Variants in RNF32 observed in about 807,000 individuals in gnomAD.
The protein encoded by RNF32 is ring finger protein 32.
RNF32 carries 36 observed loss-of-function variants against 41.0 expected under a neutral mutation model. The observed-to-expected ratio is 0.88, with a 90% CI of 0.67 to 1.16. The LOEUF is 1.16. RNF32 is among the 50% of genes most tolerant of loss of function. RNF32 has a pLI of 0.00. For missense variants in RNF32, 413 were observed against 436.7 expected (o/e 0.95, Z 0.48); for synonymous variants, 154 against 160.9 (o/e 0.96, Z 0.32).
At position 156,655,260 on chromosome 7, in the gene RNF32, C is replaced by CAG. The variant is rs1491074602; in HGVS notation, c.417+543_417+544insGA. On this transcript the variant is annotated intron_variant, in intron 4 of 8. Transcript: ENST00000317955. Reference sequence around the variant, plus strand: ...GCGCGCACACACACACACACACACACACAGAGAGAGAGAGAGAATGCATAT... The same window carrying CAG: ...GCGCGCACACACACACACACACACACAGACAGAGAGAGAGAGAGAATGCATAT... Among the ~76,000 whole-genome samples, 19 of 148,872 alleles carry CAG rather than the reference C, an allele frequency of 1.3e-4. No homozygotes were observed. The East Asian group carries it at 1.4e-3, about 11-fold the overall frequency.
chr7:156,641,935 C>T (rs1178166051), intron 1 of RNF32, among the ~76,000 whole-genome samples: 1 of 152,210 alleles, frequency 6.6e-6, no homozygotes, highest in Non-Finnish European at 1.5e-5. Flanking sequence ...ATCATCAAAG[C>T]CTCCAGGACT....
At chr7:156,660,759 A>T (rs1800524580) in intron 7 of RNF32, among the ~76,000 whole-genome samples, 1 of 152,214 alleles carries the variant, frequency 6.6e-6, no homozygotes, top group Non-Finnish European at 1.5e-5. Flanking sequence ...GACTGATACG[A>T]GTGACTGCAG....
At chr7:156,643,975 A>C in intron 2 of RNF32, 83 bp downstream of exon 2, 1 of 1,273,984 alleles carries the variant, frequency 7.8e-7, no homozygotes, top group South Asian at 1.2e-5. Flanking sequence ...TATAAAAACT[A>C]GTTTGCAAAC....
upstream of RNF32, chr7:156,640,535 C>G (rs1038476300): frequency 1.4e-4 from 54 of 375,082 alleles, 1 homozygote; most frequent in Middle Eastern, 2.3e-3. Context: ...CGGGAACGCA[C>G]CTGCGTCTAG....
Position 156,659,360 on chromosome 7 carries a change from A to G in RNF32, c.684+790A>G, listed in dbSNP as rs1800246042. On this transcript the variant is annotated intron_variant, in intron 7 of 8. Transcript: ENST00000317955. ...AGTTACTGTGTGTTCTGTTCCTGAG[A>G]GCAGTGTCTCTGATCTTCAGAGATC... 6 of 986,488 alleles carry G rather than the reference A, an allele frequency of 6.1e-6. No homozygotes were observed. The South Asian group carries it at 2.3e-4, about 39-fold the overall frequency. The allele number at this position is 986,488 out of a possible 1,614,324, so 61.1% of individuals were successfully genotyped here. A position where few individuals can be genotyped will look rare whatever the true frequency, so the allele number is the denominator to read the frequency against.
At chr7:156,668,550 C>T (rs1424303510) in intron 7 of RNF32, among the ~76,000 whole-genome samples, 1 of 152,186 alleles carries the variant, frequency 6.6e-6, no homozygotes, top group Non-Finnish European at 1.5e-5. Context: ...TGTCCTCACT[C>T]CTTCCTTCCC....
intron 1 of RNF32, among the ~76,000 whole-genome samples, chr7:156,641,437 G>T (rs1298528890): frequency 6.6e-6 from 1 of 152,130 alleles, no homozygotes; most frequent in African/African-American, 2.4e-5. Flanking sequence ...TCAATACTGG[G>T]CAAGGGTTAC....
In RNF32 at chr7:156,658,946, T is replaced by C. The variant is rs1028768586; in HGVS notation, c.684+376T>C. ...ACATCTGCTGCACATCTCATAGTAATGAAAATAGAAGCTGCCTATAAAAAT... is the reference window on the plus strand; with the variant it reads ...ACATCTGCTGCACATCTCATAGTAACGAAAATAGAAGCTGCCTATAAAAAT... On this transcript the variant is annotated intron_variant, in intron 7 of 8. Transcript: ENST00000317955. The C allele has an allele frequency of 1.6e-5, 24 of 1,523,232 alleles. No homozygotes were observed. In the African/African-American group the frequency reaches 2.0e-4, roughly 13 times the overall value. The allele number at this position is 1,523,232 out of a possible 1,614,324, so 94.4% of individuals were successfully genotyped here. A position where few individuals can be genotyped will look rare whatever the true frequency, so the allele number is the denominator to read the frequency against.
chr7:156,664,754 G>T (rs1298596423), intron 7 of RNF32, among the ~76,000 whole-genome samples: 1 of 152,118 alleles, frequency 6.6e-6, no homozygotes, highest in African/African-American at 2.4e-5. Flanking sequence ...ATCATCCTCA[G>T]ATGCCTTTAG....
rs1279915735 is a variant in RNF32, at chr7:156,669,424, GA to G, written c.685-6271del. On this transcript the variant is annotated intron_variant, in intron 7 of 8. Transcript: ENST00000317955. This position sits in a 1 kb window ranked among gnomAD's most constrained non-coding sequence, Gnocchi z 4.2. ...TTGAAATAAGGTGGAAATGTCTGAGGAGATGCACCCTGAACCCAAATGGAGG... is the reference window on the plus strand; with the variant it reads ...TTGAAATAAGGTGGAAATGTCTGAGGGATGCACCCTGAACCCAAATGGAGG... 2 of 152,286 alleles carry G rather than the reference GA, an allele frequency of 1.3e-5. No individual in the cohort carries two copies. Among genetic ancestry groups the G allele is most frequent in the Admixed American group, 6.5e-5 (1 of 15,286 alleles). 9.4% of individuals were successfully genotyped at this position (152,286 alleles called of 1,614,324 possible). A position where few individuals can be genotyped will look rare whatever the true frequency, so the allele number is the denominator to read the frequency against.
chr7:156,675,756 G>A lies in RNF32; in HGVS notation c.745G>A (p.Ala249Thr). ...SYNTNIEELF[A>T]EIDQCLAINR... ...CAACACCAACATTGAAGAGCTCTTT[G>A]CAGAAATCGATCAGTGCTTGGCCAT... Residue 249 changes from alanine (A) to threonine (T), a missense_variant, in exon 8 of 9, where the codon GCA (alanine) becomes ACA (threonine). By Grantham distance (58) the Ala-to-Thr change is moderately conservative (BLOSUM62 0). Coordinates refer to ENST00000317955, the MANE Select transcript of RNF32 (RefSeq NM_030936.4). 1 of 1,612,830 alleles carries A rather than the reference G, an allele frequency of 6.2e-7. No homozygotes were observed. Among genetic ancestry groups the A allele is most frequent in the South Asian group, 1.1e-5 (1 of 91,046 alleles).
At chr7:156,644,930 G>A (rs965333766) in intron 3 of RNF32, among the ~76,000 whole-genome samples, 173 bp downstream of exon 3, 1 of 152,162 alleles carries the variant, frequency 6.6e-6, no homozygotes, top group Admixed American at 6.5e-5. Context: ...GGGACCATTA[G>A]AGCAAGAAGG....
intron 7 of RNF32, among the ~76,000 whole-genome samples, chr7:156,671,043 G>A (rs537716672): frequency 2.0e-5 from 3 of 152,170 alleles, no homozygotes; most frequent in African/African-American, 7.2e-5. Context: ...TTGGTTCGAG[G>A]GATAAAAATT....
upstream of RNF32, chr7:156,640,563 G>C (rs1379560488): frequency 2.0e-5 from 8 of 393,872 alleles, no homozygotes; most frequent in Non-Finnish European, 3.5e-5. Context: ...CGCCGTGCGC[G>C]GGGCGGGGGC....
At chr7:156,661,575 C>T (rs1800681534) in intron 7 of RNF32, among the ~76,000 whole-genome samples, 1 of 152,204 alleles carries the variant, frequency 6.6e-6, no homozygotes, top group East Asian at 1.9e-4. Context: ...CCTGCCTTGG[C>T]CTCCCAAAGT....
At chr7:156,673,164 AC>A (rs1428960367) in intron 7 of RNF32, among the ~76,000 whole-genome samples, 5 of 152,328 alleles carry the variant, frequency 3.3e-5, no homozygotes, top group African/African-American at 1.2e-4. Flanking sequence ...CTCAGAACAT[AC>A]CTCACAAGTT....
At chr7:156,659,420 G>C (rs1800258549) in intron 7 of RNF32, 1 of 985,612 alleles carries the variant, frequency 1.0e-6, no homozygotes, top group Non-Finnish European at 1.2e-6. Context: ...ATTTGGTAAA[G>C]GACCGCCATG....
Position 156,669,369 on chromosome 7 carries a change from GGAGA to G in RNF32, c.685-6321_685-6318del. The stretch of plus-strand genomic sequence containing the variant: ...GAAGAAAAATGCAAAGAGAGGAAGG[GGAGA>G]GAGAGTGAAGTGAGGGGTGAGATGT... On this transcript the variant is annotated intron_variant, in intron 7 of 8. Transcript: ENST00000317955. This position sits in a 1 kb window ranked among gnomAD's most constrained non-coding sequence, Gnocchi z 4.2. 3 of 152,366 alleles carry G rather than the reference GGAGA, an allele frequency of 2.0e-5. No homozygotes were observed. The highest frequency in any genetic ancestry group is 2.0e-4 in the Admixed American group (3 of 15,302). The allele number at this position is 152,366 out of a possible 1,614,324, so 9.4% of individuals were successfully genotyped here.
At chr7:156,659,785 G>C (rs1251830132) in intron 7 of RNF32, 1 of 692,698 alleles carries the variant, frequency 1.4e-6, no homozygotes, top group African/African-American at 1.9e-5. Flanking sequence ...GTGTTATCTT[G>C]TAAAGTAGCC....
Sources: allele counts gnomAD v4.1 joint callset (sites outside exome capture counted in the v4.1 genomes callset), GRCh38; gene constraint gnomAD v4.1.1; non-coding constraint Gnocchi (gnomAD v3.1); transcripts MANE v1.5; gene names NCBI Gene and HGNC (gene_info 2026-07-23, HGNC 2026-07-21).